Variants in TAF3 observed in about 807,000 individuals in gnomAD.
The protein encoded by TAF3 is TATA-box binding protein associated factor 3, also known as transcription initiation factor TFIID subunit 3.
A neutral mutation model predicts 80.6 loss-of-function variants in TAF3; 7 were observed. The observed-to-expected ratio is 0.09, with a 90% CI of 0.05 to 0.16. The LOEUF is 0.16. TAF3 is among the 10% of genes least tolerant of loss of function. The pLI, the probability that TAF3 is intolerant of heterozygous loss-of-function variation, is 1.00. For synonymous variants in TAF3, 444 were observed against 446.1 expected (o/e 1.00, Z 0.06); for missense variants, 921 against 1,140.2 (o/e 0.81, Z 2.77).
At chr10:7,912,537 T>C (rs1247533132) in intron 2 of TAF3, among the ~76,000 whole-genome samples, 3 of 152,244 alleles carry the variant, frequency 2.0e-5, no homozygotes, top group Non-Finnish European at 4.4e-5. Context: ...ATTGGTTTTA[T>C]CTGTAAAAGT....
At chr10:7,965,885 AT>A in intron 3 of TAF3, 143 bp downstream of exon 3, 1 of 1,294,764 alleles carries the variant, frequency 7.7e-7, no homozygotes, top group African/African-American at 1.5e-5. Flanking sequence ...AGGTTACAAA[AT>A]TTGATTTTAA....
At chr10:7,915,552 A>G (rs1588550759) in intron 2 of TAF3, among the ~76,000 whole-genome samples, 1 of 150,166 alleles carries the variant, frequency 6.7e-6, no homozygotes, top group South Asian at 2.1e-4. Flanking sequence ...CTGAGGCAGG[A>G]GAATGGTGTG....
intron 2 of TAF3, among the ~76,000 whole-genome samples, chr10:7,897,334 T>C (rs1186128414): frequency 3.3e-5 from 5 of 152,232 alleles, no homozygotes; most frequent in Admixed American, 3.3e-4. Flanking sequence ...TGATATTTAC[T>C]TTCCAGTAGA....
At chr10:7,951,461 G>A (rs780828404) in intron 2 of TAF3, among the ~76,000 whole-genome samples, 6 of 152,162 alleles carry the variant, frequency 3.9e-5, no homozygotes, top group South Asian at 2.1e-4. Context: ...AGGCTAACCT[G>A]GGCTCATTCC....
At chr10:7,961,223 G>A (rs1417224485) in intron 2 of TAF3, among the ~76,000 whole-genome samples, 1 of 152,210 alleles carries the variant, frequency 6.6e-6, no homozygotes, top group Non-Finnish European at 1.5e-5. Flanking sequence ...AGATCTGGCG[G>A]AGAAGATGGG....
At chr10:7,956,445 C>T (rs1346610130) in intron 2 of TAF3, among the ~76,000 whole-genome samples, 1 of 152,094 alleles carries the variant, frequency 6.6e-6, no homozygotes, top group Admixed American at 6.5e-5. Context: ...CGGAATCATG[C>T]CACTGCACTC....
intron 2 of TAF3, among the ~76,000 whole-genome samples, chr10:7,929,606 T>G (rs990104123): frequency 2.0e-5 from 3 of 152,102 alleles, no homozygotes; most frequent in African/African-American, 7.2e-5. Context: ...TCAAGTGACC[T>G]ACTCACCTCA....
chr10:7,929,413 G>GT (rs1221774794), intron 2 of TAF3, among the ~76,000 whole-genome samples: 1 of 152,006 alleles, frequency 6.6e-6, no homozygotes, highest in Non-Finnish European at 1.5e-5. Context: ...GTTTTTGTTT[G>GT]TTTTTTGAGA....
chr10:7,895,508 A>G (rs1837496296), intron 2 of TAF3, among the ~76,000 whole-genome samples: 1 of 152,204 alleles, frequency 6.6e-6, no homozygotes, highest in Non-Finnish European at 1.5e-5. Flanking sequence ...TGGTCCTGGC[A>G]CGAACACCTT....
chr10:7,967,305 A>G (rs1490096553), intron 3 of TAF3, among the ~76,000 whole-genome samples: 1 of 152,234 alleles, frequency 6.6e-6, no homozygotes, highest in East Asian at 1.9e-4. Flanking sequence ...TGTCACCACC[A>G]TCTTCACTTT....
intron 3 of TAF3, among the ~76,000 whole-genome samples, chr10:7,972,491 C>A (rs1319580466): frequency 1.3e-5 from 2 of 152,038 alleles, no homozygotes; most frequent in Non-Finnish European, 2.9e-5. Context: ...ATTAATAGCT[C>A]CCTCTTTTCC....
At chr10:7,929,014 C>T (rs187150988) in intron 2 of TAF3, among the ~76,000 whole-genome samples, 43 of 152,162 alleles carry the variant, frequency 2.8e-4, no homozygotes, top group African/African-American at 8.7e-4. Flanking sequence ...TCTTTTGTTG[C>T]AAAGCAAAAT....
chr10:7,995,232 G>T (rs1010931227), intron 4 of TAF3, among the ~76,000 whole-genome samples: 13 of 152,034 alleles, frequency 8.6e-5, no homozygotes, highest in Non-Finnish European at 1.3e-4. Flanking sequence ...TTTCTACATG[G>T]TTATGTCATC....
At position 7,869,038 on chromosome 10, in the gene TAF3, T is replaced by C. The variant is rs188342167; in HGVS notation, c.409+44478T>C. Among the ~76,000 whole-genome samples, 209 of 152,306 alleles carry C rather than the reference T, an allele frequency of 1.4e-3. 1 individual carries two copies. Among genetic ancestry groups the C allele is most frequent in the Non-Finnish European group, 2.1e-4 (14 of 68,024 alleles). On this transcript the variant is annotated intron_variant, in intron 2 of 6. Coordinates refer to ENST00000344293, the MANE Select transcript of TAF3 (RefSeq NM_031923.4). ...TTGGATTCATAATTAATTCAGAGTG[T>C]AAAACAATACATCGTAGAACAATTC...
intron 2 of TAF3, among the ~76,000 whole-genome samples, chr10:7,894,198 A>G (rs1252933739): frequency 6.6e-6 from 1 of 152,190 alleles, no homozygotes; most frequent in Non-Finnish European, 1.5e-5. Flanking sequence ...TGACTTAGGA[A>G]TGTGGCACAT....
chr10:7,923,083 A>G (rs1837779987), intron 2 of TAF3, among the ~76,000 whole-genome samples: 1 of 152,118 alleles, frequency 6.6e-6, no homozygotes, highest in African/African-American at 2.4e-5. Flanking sequence ...ATGAATAAAC[A>G]AAAGTCATTA....
At chr10:7,996,338 C>A (rs1318552850) in intron 4 of TAF3, among the ~76,000 whole-genome samples, 2 of 152,172 alleles carry the variant, frequency 1.3e-5, no homozygotes, top group African/African-American at 4.8e-5. Context: ...GTGTAGCTGG[C>A]TGTCCCCATA....
intron 2 of TAF3, among the ~76,000 whole-genome samples, chr10:7,909,420 C>G (rs1317341347): frequency 6.6e-6 from 1 of 152,222 alleles, no homozygotes; most frequent in Non-Finnish European, 1.5e-5. Context: ...CAGAACAGCA[C>G]TTCTGCCAAA....
intron 2 of TAF3, among the ~76,000 whole-genome samples, chr10:7,827,387 T>C (rs1437516173): frequency 6.6e-6 from 1 of 152,092 alleles, no homozygotes. Flanking sequence ...TACATAACAG[T>C]GGGCCAGGTG....
Sources: allele counts gnomAD v4.1 joint callset (sites outside exome capture counted in the v4.1 genomes callset), GRCh38; gene constraint gnomAD v4.1.1; transcripts MANE v1.5; gene names NCBI Gene and HGNC (gene_info 2026-07-23, HGNC 2026-07-21).